ARHGAP42: variants seen among roughly 807,000 people sequenced by gnomAD.
ARHGAP42 encodes the protein rho GTPase-activating protein 42.
ARHGAP42 carries 63 observed loss-of-function variants against 125.0 expected under a neutral mutation model. The ratio of observed to expected loss-of-function variants is 0.50; its 90% CI spans 0.41 to 0.62. The LOEUF is 0.62. Ranked by LOEUF, ARHGAP42 falls within the 20% of genes least tolerant of loss-of-function variation. ARHGAP42 has a pLI of 0.00. For synonymous variants in ARHGAP42, 339 were observed against 351.0 expected (o/e 0.97, Z 0.38); for missense variants, 766 against 1,024.2 (o/e 0.75, Z 3.44).
chr11:100,928,462 C>T (rs1256576328), intron 6 of ARHGAP42, among the ~76,000 whole-genome samples: 1 of 151,932 alleles, frequency 6.6e-6, no homozygotes, highest in Non-Finnish European at 1.5e-5. Flanking sequence ...TGTCATGCGC[C>T]TGTAGTCTTA....
intron 4 of ARHGAP42, among the ~76,000 whole-genome samples, chr11:100,864,213 C>A (rs965820183): frequency 2.0e-5 from 3 of 149,112 alleles, no homozygotes; most frequent in African/African-American, 7.4e-5. Flanking sequence ...GAGACGGAGT[C>A]TCACTCTGTC....
chr11:100,817,805 A>C (rs942343452), intron 3 of ARHGAP42, among the ~76,000 whole-genome samples: 1 of 152,196 alleles, frequency 6.6e-6, no homozygotes, highest in South Asian at 2.1e-4. Context: ...GGCATTCAGA[A>C]GTGCAACTTT....
In ARHGAP42 at chr11:100,982,886, C is replaced by T. The variant is rs1858579712; in HGVS notation, c.2456+3837C>T. Among the ~76,000 whole-genome samples, 2 of 152,152 alleles carry T rather than the reference C, an allele frequency of 1.3e-5. 1 individual carries two copies. The highest frequency in any genetic ancestry group is 1.3e-4 in the Admixed American group (2 of 15,278). The stretch of plus-strand genomic sequence containing the variant: ...GGCTATAAATCACTGGTTTAGAACA[C>T]AGTTACATATGTAAGACACACATAA... On this transcript the variant is annotated intron_variant, in intron 22 of 23. Coordinates refer to ENST00000298815, the MANE Select transcript of ARHGAP42 (RefSeq NM_152432.4).
chr11:100,907,076 C>T (rs890829659), intron 4 of ARHGAP42, among the ~76,000 whole-genome samples: 5 of 152,212 alleles, frequency 3.3e-5, no homozygotes, highest in African/African-American at 9.6e-5. Flanking sequence ...TCTAAAAAGA[C>T]TTCACCCCTC....
chr11:100,986,117 G>T (rs1009117077), intron 22 of ARHGAP42: 2 of 456,468 alleles, frequency 4.4e-6, no homozygotes, highest in South Asian at 1.5e-5. Flanking sequence ...GACATCGTTC[G>T]TGGAGATTTT....
chr11:100,976,244 A>G lies in ARHGAP42; in HGVS notation c.2043A>G (p.Thr681=). Residue 681 remains threonine, a synonymous_variant, in exon 20 of 24, where the codon ACA becomes ACG. Coordinates refer to ENST00000298815, the MANE Select transcript of ARHGAP42 (RefSeq NM_152432.4). ...GACAGAAAAGCCTTGGTCTGTGGAC[A>G]ACTAGTCCTGAATCAAGTTCCAGAG... ...SNGQKSLGLW[T]TSPESSSRED... is the part of the protein sequence containing the mutation. 4 of 1,551,666 alleles carry G rather than the reference A, an allele frequency of 2.6e-6. No homozygotes were observed. The highest frequency in any genetic ancestry group is 1.2e-5 in the South Asian group (1 of 84,042).
At chr11:100,753,714 C>G (rs1312512578) in intron 1 of ARHGAP42, among the ~76,000 whole-genome samples, 2 of 152,176 alleles carry the variant, frequency 1.3e-5, no homozygotes, top group African/African-American at 4.8e-5. Context: ...GCTGTTCCTA[C>G]TTTTACATGC....
intron 4 of ARHGAP42, among the ~76,000 whole-genome samples, chr11:100,879,790 T>A (rs766654745): frequency 6.6e-6 from 1 of 152,202 alleles, no homozygotes; most frequent in Non-Finnish European, 1.5e-5. Flanking sequence ...GTAGTTTTCC[T>A]CTTTGATCAT....
chr11:100,785,763 G>A (rs970719376), intron 2 of ARHGAP42, among the ~76,000 whole-genome samples: 9 of 152,174 alleles, frequency 5.9e-5, no homozygotes, highest in Non-Finnish European at 7.3e-5. Context: ...CTTGGCACTC[G>A]ATTACTCTTT....
At chr11:100,804,714 A>G (rs1392348208) in intron 3 of ARHGAP42, among the ~76,000 whole-genome samples, 1 of 151,822 alleles carries the variant, frequency 6.6e-6, no homozygotes, top group African/African-American at 2.4e-5. Context: ...GGGTTTCACT[A>G]TGTTGGCCAG....
At chr11:100,717,440 A>G (rs1861682693) in intron 1 of ARHGAP42, among the ~76,000 whole-genome samples, 1 of 152,068 alleles carries the variant, frequency 6.6e-6, no homozygotes, top group African/African-American at 2.4e-5. Flanking sequence ...GATTAAGATC[A>G]TCCTGGCTAA....
intron 1 of ARHGAP42, among the ~76,000 whole-genome samples, chr11:100,723,474 A>G (rs1565541849): frequency 6.6e-6 from 1 of 152,160 alleles, no homozygotes; most frequent in Non-Finnish European, 1.5e-5. Flanking sequence ...GTTTCCTCAT[A>G]TAGATCTTAG....
intron 6 of ARHGAP42, among the ~76,000 whole-genome samples, chr11:100,925,153 A>G (rs2135249477): frequency 6.6e-6 from 1 of 152,086 alleles, no homozygotes; most frequent in East Asian, 1.9e-4. Flanking sequence ...TTTTAAACTC[A>G]GTTCTCTATA....
Position 100,976,931 on chromosome 11 carries a change from G to A in ARHGAP42, c.2353G>A (p.Asp785Asn). 6.4e-7 allele frequency: 1 copy of A among 1,551,452 alleles called. No individual in the cohort carries two copies. The highest frequency in any genetic ancestry group is 1.2e-5 in the South Asian group (1 of 84,058). ...GAAAATGTGCAGGAGATTAAGACTA[G>A]ACACTGCCTCAAGCAATGGCTATCA... ...PPKMCRRLRL[D>N]TASSNGYQRP... Residue 785 changes from aspartate (D) to asparagine (N), a missense_variant, in exon 21 of 24, where the codon GAC becomes AAC. By Grantham distance (23) the Asp-to-Asn change is conservative (BLOSUM62 1). Transcript: ENST00000298815.
intron 3 of ARHGAP42, among the ~76,000 whole-genome samples, chr11:100,838,374 A>T (rs1323750762): frequency 6.6e-6 from 1 of 151,938 alleles, no homozygotes; most frequent in Admixed American, 6.6e-5. Flanking sequence ...TCCTTTTTTC[A>T]AACTTATGCT....
chr11:100,948,658 A>T, intron 11 of ARHGAP42, 123 bp downstream of exon 11: 1 of 737,770 alleles, frequency 1.4e-6, no homozygotes, highest in Non-Finnish European at 2.1e-6. Flanking sequence ...AAAAAAGGAA[A>T]TCAGGGGAGT....
At chr11:100,903,748 A>ATG (rs1866638101) in intron 4 of ARHGAP42, among the ~76,000 whole-genome samples, 1 of 120,570 alleles carries the variant, frequency 8.3e-6, no homozygotes, top group African/African-American at 2.9e-5. Context: ...ATATATATAT[A>ATG]TATATATGTA....
chr11:100,976,371 C>A lies in ARHGAP42; in HGVS notation c.2170C>A (p.Pro724Thr), dbSNP rs1188671437. 4 of 1,550,232 alleles carry A rather than the reference C, an allele frequency of 2.6e-6. No individual in the cohort carries two copies. Among genetic ancestry groups the A allele is most frequent in the Admixed American group, 4.0e-5 (2 of 50,456 alleles). The change falls in exon 20 of 24, where the codon CCT (proline) becomes ACT (threonine). Residue 724 changes from proline to threonine, a missense_variant. This residue lies in a region of ARHGAP42 where 308 missense variants were observed against 369.7 expected (regional missense o/e 0.83). Transcript: ENST00000298815. ...ACCCATAGACCTAGTCAAGAAAGAG[C>A]CTTATGGGCTTTCAGGACTGAAAAG... ...SPPIDLVKKE[P>T]YGLSGLKRAS...
At chr11:100,810,630 G>T (rs961348825) in intron 3 of ARHGAP42, among the ~76,000 whole-genome samples, 8 of 152,104 alleles carry the variant, frequency 5.3e-5, no homozygotes, top group African/African-American at 1.9e-4. Flanking sequence ...TATTTCTATT[G>T]AGGGAAAATA....
Sources: gnomAD v4.1 joint callset for allele counts (sites outside exome capture counted in the v4.1 genomes callset) on GRCh38, gnomAD v4.1.1 for gene constraint, gnomAD v4.1.1 regional missense constraint, MANE v1.5 for transcripts, NCBI Gene and HGNC (gene_info 2026-07-23, HGNC 2026-07-21) for gene names.